DLGAP2: variants seen among roughly 807,000 people sequenced by gnomAD.
DLGAP2 encodes DLG associated protein 2.
A neutral mutation model predicts 100.3 loss-of-function variants in DLGAP2; 26 were observed. The ratio of observed to expected loss-of-function variants is 0.26; its 90% CI spans 0.19 to 0.36. DLGAP2 has a LOEUF of 0.36. Ranked by LOEUF, DLGAP2 falls within the 10% of genes least tolerant of loss-of-function variation. The pLI is 1.00. For missense variants in DLGAP2, 1,858 were observed against 1,453.2 expected (o/e 1.28, Z -4.53); for synonymous variants, 886 against 630.1 (o/e 1.41, Z -6.08).
intron 2 of DLGAP2, among the ~76,000 whole-genome samples, chr8:1,149,684 C>A (rs550942679): frequency 8.5e-5 from 13 of 152,326 alleles, no homozygotes; most frequent in Admixed American, 8.5e-4. Context: ...CCAGGAATTT[C>A]ATCTGCCATC....
chr8:1,687,467 C>T (rs568704503), intron 12 of DLGAP2, among the ~76,000 whole-genome samples: 1 of 152,316 alleles, frequency 6.6e-6, no homozygotes, highest in African/African-American at 2.4e-5. Flanking sequence ...ACTTCAACTT[C>T]TTTGCAATTA....
chr8:1,607,575 C>A (rs1299371702), intron 6 of DLGAP2, among the ~76,000 whole-genome samples: 1 of 152,222 alleles, frequency 6.6e-6, no homozygotes, highest in Non-Finnish European at 1.5e-5. Context: ...AAATTGACTT[C>A]AGAGCGTGAG....
In DLGAP2 at chr8:1,103,228, G is replaced by A. The variant is rs986550786; in HGVS notation, c.74-155623G>A. ...TCACATGCTGGCTGCCCTGGGCGTC[G>A]TCTGGGGGTGTTTGGAGACTTCCAG... On this transcript the variant is annotated intron_variant, in intron 2 of 14. Coordinates refer to ENST00000637795, the MANE Select transcript of DLGAP2 (RefSeq NM_001346810.2). Among the ~76,000 whole-genome samples the A allele has an allele frequency of 5.2e-4, 79 of 152,274 alleles. 1 individual carries two copies. Among genetic ancestry groups the A allele is most frequent in the East Asian group, 5.8e-4 (3 of 5,178 alleles).
At chr8:1,202,410 GT>G (rs1468873836) in intron 2 of DLGAP2, among the ~76,000 whole-genome samples, 3 of 152,112 alleles carry the variant, frequency 2.0e-5, no homozygotes, top group Non-Finnish European at 2.9e-5. Flanking sequence ...TGGGGCGTGT[GT>G]GAGCCCTCAG....
At chr8:1,535,735 C>T (rs1234743723) in intron 4 of DLGAP2, among the ~76,000 whole-genome samples, 1 of 152,214 alleles carries the variant, frequency 6.6e-6, no homozygotes, top group East Asian at 1.9e-4. Context: ...AGGAGGTGAG[C>T]TCTGAGCAGA....
At chr8:797,001 A>G (rs548906906) in intron 1 of DLGAP2, among the ~76,000 whole-genome samples, 4 of 152,366 alleles carry the variant, frequency 2.6e-5, no homozygotes, top group Admixed American at 2.6e-4. Context: ...CTGTTTGCAG[A>G]TAGTATCTTG....
At chr8:994,600 C>A (rs1460275824) in intron 2 of DLGAP2, among the ~76,000 whole-genome samples, 1 of 152,154 alleles carries the variant, frequency 6.6e-6, no homozygotes, top group African/African-American at 2.4e-5. Context: ...GTGCTGCTTC[C>A]TAGAACACGG....
At chr8:1,331,585 A>T (rs1157105566) in intron 3 of DLGAP2, among the ~76,000 whole-genome samples, 1 of 152,142 alleles carries the variant, frequency 6.6e-6, no homozygotes, top group East Asian at 1.9e-4. Flanking sequence ...GTGTTTAATA[A>T]TATAATCCGT....
intron 3 of DLGAP2, among the ~76,000 whole-genome samples, chr8:1,373,366 T>A (rs36018196): frequency 0.29 from 43,736 of 151,738 alleles, 6,638 homozygotes; most frequent in Admixed American, 0.36. Context: ...GGCCGCAGGT[T>A]GGGCAGCGCC....
intron 3 of DLGAP2, among the ~76,000 whole-genome samples, chr8:1,356,296 G>C (rs981737425): frequency 6.6e-6 from 1 of 152,222 alleles, no homozygotes; most frequent in African/African-American, 2.4e-5. Flanking sequence ...TTTTGCAGCT[G>C]TATCACTCCC....
chr8:1,042,634 C>A (rs1490877568), intron 2 of DLGAP2, among the ~76,000 whole-genome samples: 1 of 152,094 alleles, frequency 6.6e-6, no homozygotes, highest in African/African-American at 2.4e-5. Context: ...AGGCCTCCAC[C>A]CTGGGAGCTC....
intron 3 of DLGAP2, among the ~76,000 whole-genome samples, chr8:1,442,705 G>A (rs1797872508): frequency 6.7e-6 from 1 of 148,936 alleles, no homozygotes; most frequent in Non-Finnish European, 1.5e-5. Flanking sequence ...TCCACTGGAG[G>A]AGACGGATCC....
chr8:1,417,667 CCGCG>C (rs1796951559), intron 3 of DLGAP2, among the ~76,000 whole-genome samples: 1 of 141,670 alleles, frequency 7.1e-6, no homozygotes, highest in Non-Finnish European at 1.5e-5. Context: ...CTGCCTCACT[CCGCG>C]AGGCTCCAGG....
chr8:1,509,213 C>T (rs1563191757), intron 4 of DLGAP2, among the ~76,000 whole-genome samples: 1 of 151,922 alleles, frequency 6.6e-6, no homozygotes, highest in African/African-American at 2.4e-5. Context: ...CGCCTGTAAT[C>T]CCAGCTACTC....
chr8:1,693,859 T>C (rs145938936), intron 13 of DLGAP2, among the ~76,000 whole-genome samples: 40 of 152,338 alleles, frequency 2.6e-4, no homozygotes, highest in African/African-American at 9.4e-4. Flanking sequence ...TCAGCTGCCA[T>C]GTCACCTGTG....
intron 6 of DLGAP2, among the ~76,000 whole-genome samples, chr8:1,588,105 C>T (rs1796180171): frequency 6.6e-6 from 1 of 152,122 alleles, no homozygotes; most frequent in Non-Finnish European, 1.5e-5. Flanking sequence ...TTCAGAACAA[C>T]CATTCCTTAA....
At chr8:1,074,793 T>C (rs2600492) in intron 2 of DLGAP2, among the ~76,000 whole-genome samples, 29 of 152,322 alleles carry the variant, frequency 1.9e-4, no homozygotes, top group South Asian at 1.0e-3. Flanking sequence ...TAAGATTATA[T>C]AGACTTGATG....
chr8:1,423,557 T>G (rs548788461), intron 3 of DLGAP2, among the ~76,000 whole-genome samples: 4 of 152,366 alleles, frequency 2.6e-5, no homozygotes, highest in African/African-American at 9.6e-5. Context: ...GTGTTGACTG[T>G]GAGTGGCTTT....
chr8:1,645,812 G>C (rs983768474), intron 8 of DLGAP2, among the ~76,000 whole-genome samples: 1 of 152,086 alleles, frequency 6.6e-6, no homozygotes, highest in Non-Finnish European at 1.5e-5. Context: ...CTTCCTGATA[G>C]GTATTCCTAG....
Sources: allele counts gnomAD v4.1 joint callset (sites outside exome capture counted in the v4.1 genomes callset), GRCh38; gene constraint gnomAD v4.1.1; transcripts MANE v1.5; gene names NCBI Gene and HGNC (gene_info 2026-07-23, HGNC 2026-07-21).